Variants in WDR33 observed in about 807,000 individuals in gnomAD.
WDR33 encodes the protein pre-mRNA 3' end processing protein WDR33.
A neutral mutation model predicts 164.9 loss-of-function variants in WDR33; 47 were observed. The observed-to-expected ratio is 0.29, with a 90% confidence interval of 0.23 to 0.36. The LOEUF is 0.36. Among genes scored for constraint, WDR33 ranks in the 10% least tolerant of loss-of-function variants. WDR33 has a pLI of 1.00. For synonymous variants in WDR33, 505 were observed against 589.0 expected (o/e 0.86, Z 2.06); for missense variants, 1,137 against 1,754.1 (o/e 0.65, Z 6.28).
At chr2:127,732,447 C>A (rs560273241) in intron 7 of WDR33, among the ~76,000 whole-genome samples, 1 of 151,968 alleles carries the variant, frequency 6.6e-6, no homozygotes, top group Non-Finnish European at 1.5e-5. Flanking sequence ...TCAGCCTCCC[C>A]GGTAGCTGGG....
chr2:127,773,939 T>G (rs532893340), intron 1 of WDR33, among the ~76,000 whole-genome samples: 1 of 151,960 alleles, frequency 6.6e-6, no homozygotes, highest in East Asian at 1.9e-4. Context: ...TAATTTTTTT[T>G]GTATTTTAGT....
At chr2:127,766,906 G>A (rs1171669359) in intron 4 of WDR33, among the ~76,000 whole-genome samples, 2 of 151,894 alleles carry the variant, frequency 1.3e-5, no homozygotes, top group African/African-American at 2.4e-5. Context: ...TCTCAGGCAC[G>A]TGCCACCACA....
At chr2:127,715,088 CTTTTTTTT>C (rs386391178) in intron 17 of WDR33, among the ~76,000 whole-genome samples, 1 of 108,580 alleles carries the variant, frequency 9.2e-6, no homozygotes, top group Non-Finnish European at 1.8e-5. Flanking sequence ...TTCTTTGTTT[CTTTTTTTT>C]TTTTTTTTTT....
In WDR33 at chr2:127,720,963, T is replaced by A. The variant is rs1686423350; in HGVS notation, c.1672-610A>T. On this transcript the variant is annotated intron_variant, in intron 15 of 21. Coordinates refer to ENST00000322313, the MANE Select transcript of WDR33 (RefSeq NM_018383.5). This position sits in a 1 kb window ranked among gnomAD's most constrained non-coding sequence, Gnocchi z 5.9. ...ATAGATAAGAAAAATAAGAACAAGC[T>A]ACCTGCTATATGAGCAGACAAAAAG... is the stretch of plus-strand genomic sequence containing the variant. Among the ~76,000 whole-genome samples the A allele has an allele frequency of 6.6e-6, 1 of 152,248 alleles. No individual in the cohort carries two copies. Among genetic ancestry groups the A allele is most frequent in the South Asian group, 2.1e-4 (1 of 4,836 alleles).
chr2:127,724,754 G>C lies in WDR33; in HGVS notation c.1085+133C>G. On this transcript the variant is annotated intron_variant, in intron 10 of 21. Coordinates refer to ENST00000322313, the MANE Select transcript of WDR33 (RefSeq NM_018383.5). The surrounding 1 kb of genome is among the most constrained non-coding windows in gnomAD (Gnocchi z 4.8). ...TTTTCTATTCCAAGCTGGATTTACAGAACTGAAAACTGCAAGCAGTCTCTG... is the reference window on the plus strand; with the variant it reads ...TTTTCTATTCCAAGCTGGATTTACACAACTGAAAACTGCAAGCAGTCTCTG... 1.0e-6 allele frequency: 1 copy of C among 969,436 alleles called. No individual in the cohort carries two copies. The highest frequency in any genetic ancestry group is 1.6e-6 in the Non-Finnish European group (1 of 621,632). 60.1% of individuals were successfully genotyped at this position (969,436 alleles called of 1,614,324 possible).
chr2:127,734,555 CAT>C (rs1375934501), intron 7 of WDR33, among the ~76,000 whole-genome samples: 2 of 152,194 alleles, frequency 1.3e-5, no homozygotes, highest in African/African-American at 4.8e-5. Context: ...CGTTCTTTCA[CAT>C]ATTCATTTAT....
At chr2:127,757,594 A>G (rs1323180439) in intron 7 of WDR33, among the ~76,000 whole-genome samples, 4 of 152,176 alleles carry the variant, frequency 2.6e-5, no homozygotes, top group African/African-American at 7.2e-5. Context: ...TAATACTAAA[A>G]GCATGCTAAG....
In WDR33 at chr2:127,726,210, G is replaced by A. The variant is rs777838745; in HGVS notation, c.851+441C>T. On this transcript the variant is annotated intron_variant, in intron 8 of 21. Coordinates refer to ENST00000322313, the MANE Select transcript of WDR33 (RefSeq NM_018383.5). The surrounding 1 kb of genome is among the most constrained non-coding windows in gnomAD (Gnocchi z 4.8). ...GAAAACTAGATTACATAGCTGCATC[G>A]TAAGTAAGCCCATCAGACAAAAAAT... 6.6e-6 allele frequency among the ~76,000 whole-genome samples: 1 copy of A among 152,194 alleles called. No homozygotes were observed. Among genetic ancestry groups the A allele is most frequent in the African/African-American group, 2.4e-5 (1 of 41,454 alleles).
Position 127,709,714 on chromosome 2 carries a change from G to C in WDR33, c.3451C>G (p.Arg1151Gly), listed in dbSNP as rs747529544. The part of the protein sequence containing the change: ...EAARGRDLRG[R>G]GRGTPRGGRK... Reference sequence around the variant, plus strand: ...TCACCTCGTGGGGTACCCCGACCTCGACCTCTGAGATCTCGTCCTCGGGCC... The same window carrying C: ...TCACCTCGTGGGGTACCCCGACCTCCACCTCTGAGATCTCGTCCTCGGGCC... Residue 1151 changes from arginine to glycine, a missense_variant, in exon 19 of 22, where the codon CGA becomes GGA. Arg to Gly is a moderately radical substitution (Grantham distance 125, BLOSUM62 -2). Coordinates refer to ENST00000322313, the MANE Select transcript of WDR33 (RefSeq NM_018383.5). This position sits in a 1 kb window ranked among gnomAD's most constrained non-coding sequence, Gnocchi z 5.0. 6.2e-7 allele frequency: 1 copy of C among 1,614,040 alleles called. No homozygotes were observed. Among genetic ancestry groups the C allele is most frequent in the African/African-American group, 1.3e-5 (1 of 74,916 alleles).
Position 127,726,532 on chromosome 2 carries a change from C to T in WDR33, c.851+119G>A. 2 of 1,317,286 alleles carry T rather than the reference C, an allele frequency of 1.5e-6. No homozygotes were observed. Among genetic ancestry groups the T allele is most frequent in the Non-Finnish European group, 2.1e-6 (2 of 968,078 alleles). 81.6% of individuals were successfully genotyped at this position (1,317,286 alleles called of 1,614,324 possible). ...CATAAGAAGTCTATAGATCCAAGTCCATCTGTTGCCTAAATGACTCTTCCA... is the reference window on the plus strand; with the variant it reads ...CATAAGAAGTCTATAGATCCAAGTCTATCTGTTGCCTAAATGACTCTTCCA... On this transcript the variant is annotated intron_variant, in intron 8 of 21. Transcript: ENST00000322313. This position sits in a 1 kb window ranked among gnomAD's most constrained non-coding sequence, Gnocchi z 4.8.
At chr2:127,711,654 G>A (rs779259693) in intron 18 of WDR33, among the ~76,000 whole-genome samples, 109 of 147,138 alleles carry the variant, frequency 7.4e-4, no homozygotes, top group Middle Eastern at 3.6e-3. Context: ...TGCTTCCTTA[G>A]CCCCGACTAT....
At position 127,790,033 on chromosome 2, in the gene WDR33, C is replaced by T. The variant is rs1413319605; in HGVS notation, c.-23-19029G>A. Reference sequence around the variant, plus strand: ...TTTATTTTTAGTAGAGACAGGGTTTCGACATGTTGCCCTGGCTGGTCTCCA... The same window carrying T: ...TTTATTTTTAGTAGAGACAGGGTTTTGACATGTTGCCCTGGCTGGTCTCCA... On this transcript the variant is annotated intron_variant, in intron 1 of 21. Coordinates refer to ENST00000322313, the MANE Select transcript of WDR33 (RefSeq NM_018383.5). Among the ~76,000 whole-genome samples the T allele has an allele frequency of 9.2e-5, 14 of 152,002 alleles. No individual in the cohort carries two copies. The South Asian group carries it at 1.9e-3, about 20-fold the overall frequency.
Position 127,701,758 on chromosome 2 carries a change from T to C in WDR33, c.*4565A>G. 7.0e-7 allele frequency: 1 copy of C among 1,422,324 alleles called. No individual in the cohort carries two copies. The highest frequency in any genetic ancestry group is 9.2e-7 in the Non-Finnish European group (1 of 1,087,748). The allele number at this position is 1,422,324 out of a possible 1,614,324, so 88.1% of individuals were successfully genotyped here. A position where few individuals can be genotyped will look rare whatever the true frequency, so the allele number is the denominator to read the frequency against. On this transcript the variant is annotated 3_prime_UTR_variant, in exon 22 of 22. Transcript: ENST00000322313. ...CCGAGCGTGACGCGCGGGCAGCGGC[T>C]GGCGGCGGGCGGCGGGTGCCTGCTG...
At chr2:127,771,848 G>A (rs1688014503) in intron 1 of WDR33, among the ~76,000 whole-genome samples, 1 of 152,044 alleles carries the variant, frequency 6.6e-6, no homozygotes, top group South Asian at 2.1e-4. Context: ...GTGCTAAGAG[G>A]CATTTGATGT....
Position 127,770,692 on chromosome 2 carries a change from A to T in WDR33, c.204+86T>A, listed in dbSNP as rs796960753. 301 of 589,630 alleles carry T rather than the reference A, an allele frequency of 5.1e-4. 3 individuals carry two copies. In the African/African-American group the frequency reaches 5.7e-3, roughly 11 times the overall value. The allele number at this position is 589,630 out of a possible 1,614,324, so 36.5% of individuals were successfully genotyped here. A position where few individuals can be genotyped will look rare whatever the true frequency, so the allele number is the denominator to read the frequency against. On this transcript the variant is annotated intron_variant, in intron 2 of 21. Coordinates refer to ENST00000322313, the MANE Select transcript of WDR33 (RefSeq NM_018383.5). This position sits in a 1 kb window ranked among gnomAD's most constrained non-coding sequence, Gnocchi z 4.9. ...GGCAACAAGAAAGAAACTCCATCTC[A>T]AAATAAATAAATAAATAAATAAATA...
At chr2:127,729,036 G>A (rs1196186236) in intron 7 of WDR33, among the ~76,000 whole-genome samples, 1 of 152,218 alleles carries the variant, frequency 6.6e-6, no homozygotes, top group Non-Finnish European at 1.5e-5. Context: ...ATTCAAGCAA[G>A]TGAGGAATCT....
intron 7 of WDR33, among the ~76,000 whole-genome samples, chr2:127,760,905 C>A (rs1687654142): frequency 6.6e-6 from 1 of 152,106 alleles, no homozygotes; most frequent in Non-Finnish European, 1.5e-5. Context: ...AGACCTCATA[C>A]AAAAATCTCA....
chr2:127,719,875 A>G lies in WDR33; in HGVS notation c.2150T>C (p.Ile717Thr), dbSNP rs746070660. 7 of 1,613,392 alleles carry G rather than the reference A, an allele frequency of 4.3e-6. No homozygotes were observed. In the Admixed American group the frequency reaches 1.2e-4, roughly 27 times the overall value. The part of the protein sequence containing the change: ...PQGPPGPQGH[I>T]GPQGPPGPQG... ...AGGGCCAGGCGGGCCTTGGGGGCCT[A>G]TGTGACCCTGTGGGCCAGGTGGACC... Residue 717 changes from isoleucine to threonine, a missense_variant, in exon 16 of 22, where the codon ATA becomes ACA. Physicochemically the swap from Ile to Thr is moderately conservative, Grantham distance 89. This residue lies in a region of WDR33 where 867 missense variants were observed against 1,073.0 expected (regional missense o/e 0.81). Coordinates refer to ENST00000322313, the MANE Select transcript of WDR33 (RefSeq NM_018383.5). The surrounding 1 kb of genome is among the most constrained non-coding windows in gnomAD (Gnocchi z 6.5).
chr2:127,746,856 AAT>A (rs2105409367), intron 7 of WDR33, among the ~76,000 whole-genome samples: 1 of 152,358 alleles, frequency 6.6e-6, no homozygotes, highest in African/African-American at 2.4e-5. Flanking sequence ...AACAATACAC[AAT>A]AGTTACCCTT....
Sources: allele counts gnomAD v4.1 joint callset (sites outside exome capture counted in the v4.1 genomes callset), GRCh38; gene constraint gnomAD v4.1.1; regional missense constraint gnomAD v4.1.1; non-coding constraint Gnocchi (gnomAD v3.1); transcripts MANE v1.5; gene names NCBI Gene and HGNC (gene_info 2026-07-23, HGNC 2026-07-21).